SLC30A10: variants seen among roughly 807,000 people sequenced by gnomAD.
The protein encoded by SLC30A10 is solute carrier family 30 member 10, also known as calcium/manganese antiporter SLC30A10.
SLC30A10 carries 8 observed loss-of-function variants against 21.7 expected under a neutral mutation model. The observed-to-expected ratio is 0.37, with a 90% confidence interval of 0.22 to 0.67. SLC30A10 has a LOEUF of 0.67. SLC30A10 is among the 30% of genes least tolerant of loss of function. SLC30A10 has a pLI of 0.58. For missense variants in SLC30A10, 521 were observed against 642.5 expected (o/e 0.81, Z 2.04); for synonymous variants, 272 against 279.4 (o/e 0.97, Z 0.26).
At chr1:219,925,647 ATATATTTTTTT>A (rs1308506627) in intron 2 of SLC30A10, among the ~76,000 whole-genome samples, 3 of 68,032 alleles carry the variant, frequency 4.4e-5, no homozygotes, top group Non-Finnish European at 4.8e-5. Context: ...ATATATATAT[ATATATTTTTTT>A]TTTTTTTTTT....
At chr1:219,928,940 C>A (rs1352000720), upstream of SLC30A10, among the ~76,000 whole-genome samples, 1 of 152,242 alleles carries the variant, frequency 6.6e-6, no homozygotes, top group Admixed American at 6.5e-5. This position sits in a 1 kb window ranked among gnomAD's most constrained non-coding sequence, Gnocchi z 6.3. Context: ...GTGTTCGCTG[C>A]GGTGGACTGG....
rs73097943 is a variant in SLC30A10, at chr1:219,914,120, A to T, written c.*1329T>A. 6.6e-6 allele frequency: 1 copy of T among 152,032 alleles called. No homozygotes were observed. The highest frequency in any genetic ancestry group is 2.4e-5 in the African/African-American group (1 of 41,362). The allele number at this position is 152,032 out of a possible 1,614,324, so 9.4% of individuals were successfully genotyped here. On this transcript the variant is annotated 3_prime_UTR_variant, in exon 4 of 4. Coordinates refer to ENST00000366926, the MANE Select transcript of SLC30A10 (RefSeq NM_018713.3). ...CACACTAAGAGATGGTTATTTTCAG[A>T]CAATCTTGCAGTCTACCAGAGATGA...
At chr1:219,927,435 G>C (rs1028819546) in intron 1 of SLC30A10, among the ~76,000 whole-genome samples, 3 of 151,942 alleles carry the variant, frequency 2.0e-5, no homozygotes, top group Admixed American at 6.6e-5. Flanking sequence ...CAAGTAATGA[G>C]AGGGAGGAGG....
upstream of SLC30A10, among the ~76,000 whole-genome samples, chr1:219,933,038 G>A (rs1359318878): frequency 2.7e-5 from 4 of 150,372 alleles, no homozygotes; most frequent in Non-Finnish European, 5.9e-5. Context: ...TCCAGCCTGG[G>A]CAACAAGAGC....
chr1:219,957,964 G>T (rs1265723217), intron 1 of SLC30A10, among the ~76,000 whole-genome samples: 1 of 152,142 alleles, frequency 6.6e-6, no homozygotes, highest in African/African-American at 2.4e-5. Flanking sequence ...CAGAACAGAC[G>T]TATGCAATAA....
intron 1 of SLC30A10, among the ~76,000 whole-genome samples, chr1:219,950,082 A>G (rs1357036690): frequency 6.6e-6 from 1 of 152,182 alleles, no homozygotes; most frequent in Non-Finnish European, 1.5e-5. Context: ...GACAGAAGAG[A>G]GGTGCAGTAA....
chr1:219,946,442 G>A (rs1660187050), intron 1 of SLC30A10, among the ~76,000 whole-genome samples: 1 of 152,134 alleles, frequency 6.6e-6, no homozygotes, highest in South Asian at 2.1e-4. Context: ...GTCCTTCCAG[G>A]GGAGCCAGGA....
intron 1 of SLC30A10, among the ~76,000 whole-genome samples, chr1:219,947,757 G>A (rs1660209817): frequency 1.3e-5 from 2 of 152,054 alleles, no homozygotes; most frequent in South Asian, 4.1e-4. Context: ...TTGAACCCGG[G>A]GGGCAGAGGT....
intron 1 of SLC30A10, among the ~76,000 whole-genome samples, chr1:219,934,843 CTG>C (rs1491551089): frequency 6.6e-6 from 1 of 152,172 alleles, no homozygotes; most frequent in Non-Finnish European, 1.5e-5. Context: ...GCACTGCTCT[CTG>C]TGTTTCTTAC....
At chr1:219,924,030 C>T (rs1659759036) in intron 2 of SLC30A10, among the ~76,000 whole-genome samples, 1 of 152,216 alleles carries the variant, frequency 6.6e-6, no homozygotes, top group Admixed American at 6.5e-5. Flanking sequence ...CACTGCACTC[C>T]AGCCTGGGCT....
chr1:219,948,800 G>T (rs1016518218), intron 1 of SLC30A10, among the ~76,000 whole-genome samples: 1 of 152,082 alleles, frequency 6.6e-6, no homozygotes, highest in Non-Finnish European at 1.5e-5. Context: ...CACCGCAAAA[G>T]AAACTACCAT....
At chr1:219,951,292 T>C (rs1660267969) in intron 1 of SLC30A10, among the ~76,000 whole-genome samples, 1 of 151,998 alleles carries the variant, frequency 6.6e-6, no homozygotes, top group Non-Finnish European at 1.5e-5. Flanking sequence ...GGTGTAATGA[T>C]ACCTAAGATG....
chr1:219,928,303 G>C lies in SLC30A10; in HGVS notation c.138C>G (p.Ser46=). ...GGCCCACGCACAGCGAGATCAGGTC[G>C]GAGAGCATGTTGAAGGAGTCGGAGA... ...ALLSDSFNML[S]DLISLCVGLS... Residue 46 remains serine, a synonymous_variant, in exon 1 of 4, where the codon TCC becomes TCG. Transcript: ENST00000366926. This position sits in a 1 kb window ranked among gnomAD's most constrained non-coding sequence, Gnocchi z 6.3. The C allele has an allele frequency of 6.2e-7, 1 of 1,609,438 alleles. No homozygotes were observed. The highest frequency in any genetic ancestry group is 8.5e-7 in the Non-Finnish European group (1 of 1,178,586).
upstream of SLC30A10, among the ~76,000 whole-genome samples, chr1:219,931,991 T>C (rs1236728195): frequency 6.6e-6 from 1 of 152,154 alleles, no homozygotes; most frequent in Non-Finnish European, 1.5e-5. Flanking sequence ...GATTGATAGA[T>C]TTGAGCTCTG....
At chr1:219,935,847 T>C (rs910188623) in intron 1 of SLC30A10, among the ~76,000 whole-genome samples, 2 of 152,196 alleles carry the variant, frequency 1.3e-5, no homozygotes, top group Non-Finnish European at 2.9e-5. Context: ...TAGCTAATTA[T>C]CTTAAAACAA....
In SLC30A10 at chr1:219,911,149, G is replaced by GTTTATTTTTTTTTTTTTTTTTT. The variant is rs1659401072; in HGVS notation, c.*4299_*4300insAAAAAAAAAAAAAAAAAATAAA. On this transcript the variant is annotated 3_prime_UTR_variant, in exon 4 of 4. Coordinates refer to ENST00000366926, the MANE Select transcript of SLC30A10 (RefSeq NM_018713.3). ...ATGTTTCTTCATTTTTTCTACATCA[G>GTTTATTTTTTTTTTTTTTTTTT]TTTTTTTTTTTTTTTTTTTTTTTTT... is the stretch of plus-strand genomic sequence containing the variant. Among the ~76,000 whole-genome samples the GTTTATTTTTTTTTTTTTTTTTT allele has an allele frequency of 2.0e-5, 1 of 49,400 alleles. No homozygotes were observed. The highest frequency in any genetic ancestry group is 4.5e-5 in the Non-Finnish European group (1 of 22,434). The allele number at this position is 49,400 out of a possible 152,430, so 32.4% of individuals were successfully genotyped here. A position where few individuals can be genotyped will look rare whatever the true frequency, so the allele number is the denominator to read the frequency against.
intron 1 of SLC30A10, among the ~76,000 whole-genome samples, chr1:219,936,810 T>A (rs568130552): frequency 6.6e-6 from 1 of 152,362 alleles, no homozygotes; most frequent in African/African-American, 2.4e-5. Context: ...GACTTTTGAA[T>A]GCTGCACCCT....
At chr1:219,955,608 C>G (rs1660337879) in intron 1 of SLC30A10, among the ~76,000 whole-genome samples, 1 of 151,968 alleles carries the variant, frequency 6.6e-6, no homozygotes, top group Non-Finnish European at 1.5e-5. Context: ...TTTTACTTTC[C>G]ATGATCTCAA....
chr1:219,942,487 C>A (rs1660135265), intron 1 of SLC30A10, among the ~76,000 whole-genome samples: 1 of 152,182 alleles, frequency 6.6e-6, no homozygotes, highest in African/African-American at 2.4e-5. Flanking sequence ...AATCTGTTAG[C>A]CTTGGTTGTG....
Sources: allele counts gnomAD v4.1 joint callset (sites outside exome capture counted in the v4.1 genomes callset), GRCh38; gene constraint gnomAD v4.1.1; non-coding constraint Gnocchi (gnomAD v3.1); transcripts MANE v1.5; gene names NCBI Gene and HGNC (gene_info 2026-07-23, HGNC 2026-07-21).